The following RMDN3 variants were observed in gnomAD, a reference collection of about 807,000 sequenced individuals.
RMDN3 encodes the protein regulator of microtubule dynamics protein 3.
In RMDN3, 41 loss-of-function variants were observed where a neutral mutation model predicts 61.8. That is an observed-to-expected ratio of 0.66 (90% confidence interval 0.52 to 0.86). The LOEUF (loss-of-function observed/expected upper bound fraction) is 0.86, where lower values mean the gene tolerates loss of function less well. Among genes scored for constraint, RMDN3 ranks in the 40% least tolerant of loss-of-function variants. RMDN3 has a pLI of 0.00. For missense variants in RMDN3, 557 were observed against 585.3 expected (o/e 0.95, Z 0.50); for synonymous variants, 247 against 232.0 (o/e 1.06, Z -0.59).
Position 40,752,060 on chromosome 15 carries a change from C to T in RMDN3, c.306G>A (p.Val102=). The T allele has an allele frequency of 6.2e-7, 1 of 1,614,238 alleles. No homozygotes were observed. The highest frequency in any genetic ancestry group is 8.5e-7 in the Non-Finnish European group (1 of 1,180,042). The part of the protein sequence containing the change: ...DRLDFVLTSL[V]ALRREVEELR... ...GCTCCTCCACCTCCCGCCGCAGCGCCACAAGGCTGGTCAGCACAAAGTCCA... is the reference window on the plus strand; with the variant it reads ...GCTCCTCCACCTCCCGCCGCAGCGCTACAAGGCTGGTCAGCACAAAGTCCA... Residue 102 remains valine (V), a synonymous_variant, in exon 3 of 13, where the codon GTG becomes GTA. Coordinates refer to ENST00000338376, the MANE Select transcript of RMDN3 (RefSeq NM_018145.3).
At chr15:40,741,422 A>G (rs1208732376) in intron 6 of RMDN3, among the ~76,000 whole-genome samples, 1 of 152,072 alleles carries the variant, frequency 6.6e-6, no homozygotes, top group East Asian at 1.9e-4. Flanking sequence ...CAAGAGCCAC[A>G]TGGACTGAGG....
Position 40,738,564 on chromosome 15 carries a change from A to C in RMDN3, c.984T>G (p.Leu328=). 1 of 1,614,100 alleles carries C rather than the reference A, an allele frequency of 6.2e-7. No individual in the cohort carries two copies. Among genetic ancestry groups the C allele is most frequent in the Non-Finnish European group, 8.5e-7 (1 of 1,180,014 alleles). The change falls in exon 8 of 13, where the codon CTT becomes CTG. Residue 328 remains leucine (L), a synonymous_variant. Transcript: ENST00000338376. The part of the protein sequence containing the change: ...SADCHLWYAV[L]CGQLAEHESI... ...TCTCATGCTCAGCCAGCTGACCACAAAGCACCGCATACCTAGGGGGGAAGC... is the reference window on the plus strand; with the variant it reads ...TCTCATGCTCAGCCAGCTGACCACACAGCACCGCATACCTAGGGGGGAAGC...
At chr15:40,739,947 C>G (rs1457401907) in intron 7 of RMDN3, among the ~76,000 whole-genome samples, 186 bp downstream of exon 7, 1 of 152,202 alleles carries the variant, frequency 6.6e-6, no homozygotes, top group Non-Finnish European at 1.5e-5. Flanking sequence ...CCTAAGCCAC[C>G]TCCCCTACCA....
Position 40,737,198 on chromosome 15 carries a change from T to C in RMDN3, c.1285A>G (p.Arg429Gly). 6.2e-7 allele frequency: 1 copy of C among 1,614,196 alleles called. No individual in the cohort carries two copies. The highest frequency in any genetic ancestry group is 1.6e-4 in the Middle Eastern group (1 of 6,062). Residue 429 changes from arginine to glycine, a missense_variant, in exon 12 of 13, where the codon AGA (arginine) becomes GGA (glycine). By Grantham distance (125) the Arg-to-Gly change is moderately radical. Coordinates refer to ENST00000338376, the MANE Select transcript of RMDN3 (RefSeq NM_018145.3). ...GCTTCAGAGTTTTTCCCTAGTTCTCTGTAGCACTGAAAAGAGACAACAGTG... is the reference window on the plus strand; with the variant it reads ...GCTTCAGAGTTTTTCCCTAGTTCTCCGTAGCACTGAAAAGAGACAACAGTG... ...AGRVYISKCY[R>G]ELGKNSEARW...
At chr15:40,736,688 C>T in intron 12 of RMDN3, 94 bp from the exon 13 acceptor site, 1 of 1,069,748 alleles carries the variant, frequency 9.3e-7, no homozygotes, top group Non-Finnish European at 1.4e-6. Flanking sequence ...TTGCTTCCTT[C>T]CTGAGCTCTG....
rs747658608 is a variant in RMDN3, at chr15:40,738,035, A to C, written c.1055T>G (p.Val352Gly). The C allele has an allele frequency of 2.5e-6, 4 of 1,614,138 alleles. No individual in the cohort carries two copies. Among genetic ancestry groups the C allele is most frequent in the Non-Finnish European group, 3.4e-6 (4 of 1,179,970 alleles). ...IQSGFSFKEH[V>G]DKAIALQPEN... ...TGGCTGGAGAGCAATGGCTTTGTCC[A>C]CATGCTCCTAAGGGGAAAATGTAAA... Residue 352 changes from valine to glycine, a missense_variant, in exon 9 of 13, where the codon GTG becomes GGG. Coordinates refer to ENST00000338376, the MANE Select transcript of RMDN3 (RefSeq NM_018145.3).
chr15:40,745,904 AAC>A (rs2141915514), intron 4 of RMDN3, among the ~76,000 whole-genome samples: 1 of 152,346 alleles, frequency 6.6e-6, no homozygotes, highest in African/African-American at 2.4e-5. Flanking sequence ...GGCCCAAGTC[AAC>A]AACCAAACCT....
intron 5 of RMDN3, 154 bp from the exon 6 acceptor site, chr15:40,744,303 G>A (rs753945144): frequency 9.3e-6 from 6 of 642,176 alleles, no homozygotes; most frequent in Admixed American, 2.5e-5. Flanking sequence ...CTTCCCCCCA[G>A]TCATCCCTTC....
chr15:40,743,924 A>C, intron 6 of RMDN3, 123 bp downstream of exon 6: 1 of 718,068 alleles, frequency 1.4e-6, no homozygotes, highest in Non-Finnish European at 2.3e-6. Flanking sequence ...GTTTGTCCCT[A>C]GTGGGTAACT....
intron 6 of RMDN3, among the ~76,000 whole-genome samples, chr15:40,742,741 C>A (rs1317892156): frequency 6.6e-6 from 1 of 152,200 alleles, no homozygotes; most frequent in Non-Finnish European, 1.5e-5. Flanking sequence ...CTAACCACTG[C>A]CTCCACTTCT....
At chr15:40,743,898 G>T (rs1897380565) in intron 6 of RMDN3, 149 bp downstream of exon 6, 1 of 609,746 alleles carries the variant, frequency 1.6e-6, no homozygotes, top group South Asian at 2.0e-5. Flanking sequence ...GAAAGCAAGG[G>T]TCTTTGGGAG....
At chr15:40,746,227 A>C (rs1261994402) in intron 4 of RMDN3, among the ~76,000 whole-genome samples, 1 of 152,170 alleles carries the variant, frequency 6.6e-6, no homozygotes, top group Non-Finnish European at 1.5e-5. Context: ...GTCAGAAGCA[A>C]ACACAAGGCT....
At chr15:40,738,705 A>G (rs1303124217) in intron 7 of RMDN3, 129 bp from the exon 8 acceptor site, 1 of 824,086 alleles carries the variant, frequency 1.2e-6, no homozygotes, top group African/African-American at 1.7e-5. Flanking sequence ...AAAATACCTA[A>G]TTTTCATCTG....
At position 40,747,969 on chromosome 15, in the gene RMDN3, T is replaced by C. The variant is rs1328104033; in HGVS notation, c.525-2710A>G. On this transcript the variant is annotated intron_variant, in intron 4 of 12. Transcript: ENST00000338376. ...GTCTTCACGATGAGGCTGCAGGCAA[T>C]TTCTCTTGGCTGAGATGCCTGGGAA... 2.0e-5 allele frequency among the ~76,000 whole-genome samples: 3 copies of C among 152,096 alleles called. No individual in the cohort carries two copies. The South Asian group carries it at 6.2e-4, about 32-fold the overall frequency.
intron 4 of RMDN3, among the ~76,000 whole-genome samples, chr15:40,747,360 A>G (rs1383127450): frequency 3.9e-5 from 6 of 152,236 alleles, no homozygotes; most frequent in Admixed American, 3.9e-4. Context: ...TGCCACAAAC[A>G]GAGTGAAAGA....
chr15:40,748,004 G>A (rs1897647522), intron 4 of RMDN3, among the ~76,000 whole-genome samples: 1 of 152,160 alleles, frequency 6.6e-6, no homozygotes, highest in Non-Finnish European at 1.5e-5. Flanking sequence ...AGGCTTGCTG[G>A]AGGAGCTGGT....
intron 4 of RMDN3, 25 bp from the exon 5 acceptor site, chr15:40,745,284 C>G (rs114290296): frequency 1.9e-6 from 3 of 1,608,796 alleles, no homozygotes; most frequent in Non-Finnish European, 1.7e-6. Context: ...TAAGGGACAA[C>G]AAGAGGATTA....
At position 40,737,949 on chromosome 15, in the gene RMDN3, C is replaced by A; in HGVS notation, c.1125+16G>T. The A allele has an allele frequency of 6.2e-7, 1 of 1,613,870 alleles. No homozygotes were observed. Among genetic ancestry groups the A allele is most frequent in the African/African-American group, 1.3e-5 (1 of 75,008 alleles). ...GCATTTAGGACCATTATGTCAAGCA[C>A]TGAAACGCAGCTTACCTGATAGCAC... On this transcript the variant is annotated intron_variant, in intron 9 of 12. Transcript: ENST00000338376.
At chr15:40,740,275 T>G in intron 6 of RMDN3, 82 bp from the exon 7 acceptor site, 1 of 928,126 alleles carries the variant, frequency 1.1e-6, no homozygotes, top group Admixed American at 2.0e-5. Context: ...AATGACTGCT[T>G]TAGCTCTCAC....
Sources: allele counts gnomAD v4.1 joint callset (sites outside exome capture counted in the v4.1 genomes callset), GRCh38; gene constraint gnomAD v4.1.1; transcripts MANE v1.5; gene names NCBI Gene and HGNC (gene_info 2026-07-23, HGNC 2026-07-21).